The following AIG1 variants were observed in gnomAD, a reference collection of about 807,000 sequenced individuals.
The protein encoded by AIG1 is androgen-induced gene 1 protein.
Under a neutral mutation model 31.4 loss-of-function variants are expected in AIG1, and 23 were observed. The ratio of observed to expected loss-of-function variants is 0.73; its 90% confidence interval spans 0.53 to 1.04. The LOEUF is 1.04. Among genes scored for constraint, AIG1 ranks in the 50% least tolerant of loss-of-function variants. AIG1 has a pLI of 0.00. For missense variants in AIG1, 274 were observed against 295.0 expected (o/e 0.93, Z 0.52); for synonymous variants, 100 against 110.5 (o/e 0.90, Z 0.60).
chr6:143,219,471 A>AAAAAC lies in AIG1; in HGVS notation c.399+54314_399+54318dup, dbSNP rs536926876. Among the ~76,000 whole-genome samples the AAAAAC allele has an allele frequency of 3.0e-3, 464 of 152,272 alleles. 1 individual carries two copies. Among genetic ancestry groups the AAAAAC allele is most frequent in the African/African-American group, 7.5e-3 (313 of 41,548 alleles). ...GGTGACAGATTGAGCTCCTATCTCT[A>AAAAAC]AAAACAAAACAAAACAAAACAAAAC... is the stretch of plus-strand genomic sequence containing the variant. On this transcript the variant is annotated intron_variant, in intron 3 of 5. Transcript: ENST00000357847.
chr6:143,257,679 A>G (rs1795463748), intron 3 of AIG1, among the ~76,000 whole-genome samples: 1 of 152,022 alleles, frequency 6.6e-6, no homozygotes, highest in South Asian at 2.1e-4. Context: ...GTTTTATGTT[A>G]TTTGCCTCAG....
At chr6:143,310,102 C>A (rs901785073) in intron 4 of AIG1, among the ~76,000 whole-genome samples, 1 of 151,910 alleles carries the variant, frequency 6.6e-6, no homozygotes, top group Admixed American at 6.6e-5. Context: ...GCAAAAAATT[C>A]ATACAGATAT....
chr6:143,342,210 A>G, downstream of AIG1: 1 of 660,208 alleles, frequency 1.5e-6, no homozygotes, highest in South Asian at 1.5e-5. Flanking sequence ...GGCGTGAGCC[A>G]TTGCGCCCGT....
At chr6:143,244,015 A>ACCC (rs1318422954) in intron 3 of AIG1, among the ~76,000 whole-genome samples, 1 of 152,190 alleles carries the variant, frequency 6.6e-6, no homozygotes, top group Admixed American at 6.5e-5. Context: ...AAACCTGTTT[A>ACCC]CTTTCTATGA....
At chr6:143,178,521 G>A (rs1041323408) in intron 3 of AIG1, among the ~76,000 whole-genome samples, 8 of 152,344 alleles carry the variant, frequency 5.3e-5, no homozygotes, top group African/African-American at 1.9e-4. Flanking sequence ...TGGAAATGTG[G>A]ACTGCTGGGG....
rs1444525354 is a variant in AIG1 at position 143,334,141 on chromosome 6, G to A, written c.679+696G>A. On this transcript the variant is annotated intron_variant, in intron 5 of 5. Transcript: ENST00000357847. The surrounding 1 kb of genome is among the most constrained non-coding windows in gnomAD (Gnocchi z 5.1). ...TGTGCAAAACCTGTCCAAAGTGTAT[G>A]TACAATAACATAAAAATTGAAAGGT... 6.5e-7 allele frequency: 1 copy of A among 1,534,832 alleles called. No homozygotes were observed. The highest frequency in any genetic ancestry group is 2.0e-5 in the Admixed American group (1 of 49,614).
intron 2 of AIG1, among the ~76,000 whole-genome samples, chr6:143,160,901 C>T (rs1019928494): frequency 2.2e-4 from 34 of 152,250 alleles, no homozygotes; most frequent in African/African-American, 7.9e-4. Flanking sequence ...CTTTTAATAA[C>T]CCATATAATT....
intron 1 of AIG1, among the ~76,000 whole-genome samples, chr6:143,075,374 G>T (rs1777643598): frequency 6.6e-6 from 1 of 152,078 alleles, no homozygotes; most frequent in Admixed American, 6.5e-5. Flanking sequence ...CTGGAGTGCA[G>T]CTCACTGCAG....
chr6:143,073,308 T>A (rs1358062857), intron 1 of AIG1, among the ~76,000 whole-genome samples: 1 of 152,228 alleles, frequency 6.6e-6, no homozygotes, highest in East Asian at 1.9e-4. Context: ...TCTTGGCTAT[T>A]GTGAATGATG....
At chr6:143,175,336 T>G (rs1034110249) in intron 3 of AIG1, among the ~76,000 whole-genome samples, 1 of 152,336 alleles carries the variant, frequency 6.6e-6, no homozygotes, top group South Asian at 2.1e-4. Context: ...CTACTTGTAT[T>G]TGGATGTCCA....
intron 3 of AIG1, among the ~76,000 whole-genome samples, chr6:143,261,839 AT>A (rs1388751700): frequency 6.6e-6 from 1 of 152,244 alleles, no homozygotes; most frequent in Non-Finnish European, 1.5e-5. Context: ...CTTTGCAGTG[AT>A]TTAGGGAACG....
Position 143,189,803 on chromosome 6 carries a change from C to T in AIG1, c.399+24620C>T, listed in dbSNP as rs989801720. The T allele has an allele frequency of 1.9e-5, 19 of 981,778 alleles. 1 individual carries two copies. Among genetic ancestry groups the T allele is most frequent in the Non-Finnish European group, 1.9e-5 (16 of 826,868 alleles). The allele number at this position is 981,778 out of a possible 1,614,324, so 60.8% of individuals were successfully genotyped here. ...TATTTCCTGAAACACTTCTCAACTTCGTAAATAAAAAAGAGATATATCTTA... is the reference window on the plus strand; with the variant it reads ...TATTTCCTGAAACACTTCTCAACTTTGTAAATAAAAAAGAGATATATCTTA... On this transcript the variant is annotated intron_variant, in intron 3 of 5. Coordinates refer to ENST00000357847, the MANE Select transcript of AIG1 (RefSeq NM_016108.4).
At chr6:143,265,892 C>G (rs17072408) in intron 3 of AIG1, among the ~76,000 whole-genome samples, 1,568 of 152,350 alleles carry the variant, frequency 0.01, 45 homozygotes, top group East Asian at 0.065. Context: ...CACATTCCTT[C>G]CCAGCTGTTC....
intron 1 of AIG1, among the ~76,000 whole-genome samples, chr6:143,068,400 A>T (rs570471435): frequency 1.3e-5 from 2 of 152,242 alleles, no homozygotes; most frequent in African/African-American, 4.8e-5. Flanking sequence ...TAAAGGGCCC[A>T]TGCCTCACCT....
chr6:143,115,953 A>G, intron 1 of AIG1, among the ~76,000 whole-genome samples: 1 of 152,220 alleles, frequency 6.6e-6, no homozygotes, highest in East Asian at 1.9e-4. Flanking sequence ...ACATAGTTTT[A>G]TGACTTGACT....
chr6:143,328,346 T>C lies in AIG1; in HGVS notation c.516-4936T>C, dbSNP rs1776776643. Among the ~76,000 whole-genome samples, 1 of 152,192 alleles carries C rather than the reference T, an allele frequency of 6.6e-6. No homozygotes were observed. Among genetic ancestry groups the C allele is most frequent in the Non-Finnish European group, 1.5e-5 (1 of 68,032 alleles). ...TGAAGTATTTGGAAACTTTTGATTG[T>C]GCTTTAATGAAAGGCATCTGAACAT... On this transcript the variant is annotated intron_variant, in intron 4 of 5. Coordinates refer to ENST00000357847, the MANE Select transcript of AIG1 (RefSeq NM_016108.4). The surrounding 1 kb of genome is among the most constrained non-coding windows in gnomAD (Gnocchi z 4.0).
chr6:143,127,085 T>G (rs1465579411), intron 1 of AIG1, among the ~76,000 whole-genome samples: 3 of 152,216 alleles, frequency 2.0e-5, no homozygotes, highest in African/African-American at 2.4e-5. Context: ...TATTCCTCTC[T>G]GGATTACATA....
At chr6:143,144,139 G>A (rs917633039) in intron 2 of AIG1, among the ~76,000 whole-genome samples, 2 of 152,126 alleles carry the variant, frequency 1.3e-5, no homozygotes, top group Admixed American at 1.3e-4. Context: ...ATGCTTCCAA[G>A]ACAAATTTCT....
At chr6:143,229,280 C>A (rs1239962506) in intron 3 of AIG1, among the ~76,000 whole-genome samples, 3 of 152,218 alleles carry the variant, frequency 2.0e-5, no homozygotes, top group African/African-American at 7.2e-5. Flanking sequence ...TTGACACTAC[C>A]TTAGTGTGTA....
Sources: gnomAD v4.1 joint callset for allele counts (sites outside exome capture counted in the v4.1 genomes callset) on GRCh38, gnomAD v4.1.1 for gene constraint, Gnocchi (gnomAD v3.1) non-coding constraint, MANE v1.5 for transcripts, NCBI Gene and HGNC (gene_info 2026-07-23, HGNC 2026-07-21) for gene names.